AGBL4: variants seen among roughly 807,000 people sequenced by gnomAD.
AGBL4 encodes AGBL carboxypeptidase 4.
In AGBL4, 58 loss-of-function variants were observed where a neutral mutation model predicts 66.4. The observed-to-expected ratio is 0.87, with a 90% CI of 0.71 to 1.09. The LOEUF is 1.09. Ranked by LOEUF, AGBL4 falls within the 50% of genes least tolerant of loss-of-function variation. The probability of loss-of-function intolerance (pLI) is 0.00; values close to 1 mark genes in which losing one functional copy is unlikely to be tolerated. For missense variants in AGBL4, 579 were observed against 631.0 expected, an observed-to-expected ratio of 0.92 and a Z score of 0.88; for synonymous variants, 234 against 222.9, an observed-to-expected ratio of 1.05 and a Z score of -0.44.
intron 2 of AGBL4, among the ~76,000 whole-genome samples, chr1:49,752,698 G>A (rs1164062104): frequency 5.9e-5 from 9 of 152,154 alleles, no homozygotes; most frequent in African/African-American, 1.9e-4. Context: ...TTGTGTGGTA[G>A]TCTAAGTCTC....
intron 5 of AGBL4, among the ~76,000 whole-genome samples, chr1:48,970,718 T>A (rs1462016773): frequency 2.0e-5 from 3 of 152,172 alleles, no homozygotes; most frequent in Non-Finnish European, 4.4e-5. Flanking sequence ...AGTTGCATAC[T>A]ATTTGGAGTA....
At chr1:49,664,774 A>G (rs2124503486) in intron 3 of AGBL4, among the ~76,000 whole-genome samples, 1 of 152,264 alleles carries the variant, frequency 6.6e-6, no homozygotes, top group Non-Finnish European at 1.5e-5. Flanking sequence ...AGCCATGGAT[A>G]TATATTAACA....
chr1:48,919,272 G>A (rs1019203146), intron 5 of AGBL4, among the ~76,000 whole-genome samples: 5 of 152,286 alleles, frequency 3.3e-5, no homozygotes, highest in Middle Eastern at 3.4e-3. Context: ...TAAAATAGAT[G>A]CAGTTGGCTG....
chr1:49,846,893 A>G (rs1646161543), intron 2 of AGBL4, among the ~76,000 whole-genome samples: 1 of 152,200 alleles, frequency 6.6e-6, no homozygotes, highest in African/African-American at 2.4e-5. Flanking sequence ...CTCTCAAAAT[A>G]CTGACATTAT....
chr1:48,736,232 G>T lies in AGBL4; in HGVS notation c.635-72991C>A. ...CCCAGCCATTGTGTTTCCACTCAGT[G>T]ACCTACCTCTGACGATGCTTAGTTT... On this transcript the variant is annotated intron_variant, in intron 6 of 13. Coordinates refer to ENST00000371839, the MANE Select transcript of AGBL4 (RefSeq NM_032785.4). The surrounding 1 kb of genome is among the most constrained non-coding windows in gnomAD (Gnocchi z 4.0). 1 of 1,612,560 alleles carries T rather than the reference G, an allele frequency of 6.2e-7. No homozygotes were observed. Among genetic ancestry groups the T allele is most frequent in the Non-Finnish European group, 8.5e-7 (1 of 1,178,648 alleles).
At chr1:50,007,280 T>C (rs1231151544) in intron 1 of AGBL4, among the ~76,000 whole-genome samples, 1 of 151,580 alleles carries the variant, frequency 6.6e-6, no homozygotes, top group Non-Finnish European at 1.5e-5. Context: ...AAAATAATCT[T>C]CACAAAAAGG....
chr1:48,940,250 C>T (rs750429158), intron 5 of AGBL4, among the ~76,000 whole-genome samples: 44 of 152,186 alleles, frequency 2.9e-4, no homozygotes, highest in Non-Finnish European at 4.4e-4. Context: ...TGGTGGCACA[C>T]GCCTGTAATC....
intron 6 of AGBL4, among the ~76,000 whole-genome samples, chr1:48,676,716 C>G (rs1421849936): frequency 6.6e-6 from 1 of 152,126 alleles, no homozygotes; most frequent in Non-Finnish European, 1.5e-5. Flanking sequence ...ACGCTTTCCC[C>G]TAGGTATGTG....
chr1:48,808,955 A>T (rs1384444976), intron 6 of AGBL4, among the ~76,000 whole-genome samples: 2 of 152,212 alleles, frequency 1.3e-5, no homozygotes, highest in Admixed American at 1.3e-4. Context: ...TTTTTATAAG[A>T]TTCCAGAATG....
intron 5 of AGBL4, among the ~76,000 whole-genome samples, chr1:49,009,484 T>C (rs1456200879): frequency 1.3e-5 from 2 of 151,456 alleles, no homozygotes; most frequent in East Asian, 3.9e-4. Flanking sequence ...TCTGAAACTA[T>C]TCCAATCAAT....
chr1:49,815,847 A>T (rs1416146445), intron 2 of AGBL4, among the ~76,000 whole-genome samples: 1 of 152,092 alleles, frequency 6.6e-6, no homozygotes, highest in Non-Finnish European at 1.5e-5. Context: ...TCTTTTGAAA[A>T]CTAGCTGTTT....
intron 3 of AGBL4, among the ~76,000 whole-genome samples, chr1:49,658,846 C>T (rs552279982): frequency 3.0e-5 from 4 of 133,976 alleles, no homozygotes; most frequent in Admixed American, 7.6e-5. Flanking sequence ...CATCACACAC[C>T]GGGGCCTGTT....
At chr1:49,107,637 G>A (rs1309480029) in intron 4 of AGBL4, among the ~76,000 whole-genome samples, 1 of 151,680 alleles carries the variant, frequency 6.6e-6, no homozygotes. Flanking sequence ...AATTGTCTGT[G>A]TGTATATATG....
chr1:48,776,834 T>C, intron 6 of AGBL4: 4 of 1,408,930 alleles, frequency 2.8e-6, no homozygotes, highest in Non-Finnish European at 2.8e-6. Flanking sequence ...GCGTACATGG[T>C]GGGCGCCGGG....
intron 6 of AGBL4, among the ~76,000 whole-genome samples, chr1:48,842,455 G>T (rs1570802428): frequency 6.6e-6 from 1 of 152,214 alleles, no homozygotes; most frequent in East Asian, 1.9e-4. Context: ...TTCTCCTGTG[G>T]ATGCTTAAGT....
intron 3 of AGBL4, among the ~76,000 whole-genome samples, chr1:49,541,829 G>C (rs917957647): frequency 1.3e-5 from 2 of 152,216 alleles, no homozygotes; most frequent in African/African-American, 4.8e-5. Flanking sequence ...CTAAGCGATT[G>C]TAAATACACC....
chr1:50,001,505 G>T (rs1572039111), intron 1 of AGBL4, among the ~76,000 whole-genome samples: 1 of 129,898 alleles, frequency 7.7e-6, no homozygotes, highest in South Asian at 2.7e-4. Flanking sequence ...GTATGTGTGT[G>T]TGTATATATA....
chr1:49,999,326 T>C (rs1417473188), intron 1 of AGBL4, among the ~76,000 whole-genome samples: 1 of 81,096 alleles, frequency 1.2e-5, no homozygotes, highest in African/African-American at 3.7e-5. Flanking sequence ...CCCCTTTTAC[T>C]ACCACTGCAA....
intron 2 of AGBL4, among the ~76,000 whole-genome samples, chr1:49,776,258 G>A (rs1469972863): frequency 6.6e-6 from 1 of 152,050 alleles, no homozygotes; most frequent in Non-Finnish European, 1.5e-5. Context: ...TTGTCCACAG[G>A]CTACCTTTCA....
Sources: allele counts gnomAD v4.1 joint callset (sites outside exome capture counted in the v4.1 genomes callset), GRCh38; gene constraint gnomAD v4.1.1; non-coding constraint Gnocchi (gnomAD v3.1); transcripts MANE v1.5; gene names NCBI Gene and HGNC (gene_info 2026-07-23, HGNC 2026-07-21).